WIPF2: variants seen among roughly 807,000 people sequenced by gnomAD.
WIPF2 encodes WAS/WASL interacting protein family member 2.
In WIPF2, 23 loss-of-function variants were observed where a neutral mutation model predicts 38.8. That is an observed-to-expected ratio of 0.59 (90% confidence interval 0.43 to 0.84). The LOEUF is 0.84. WIPF2 is among the 40% of genes least tolerant of loss of function. WIPF2 has a pLI of 0.00. For missense variants in WIPF2, 574 were observed against 580.5 expected (o/e 0.99, Z 0.11); for synonymous variants, 210 against 223.2 (o/e 0.94, Z 0.53).
intron 1 of WIPF2, among the ~76,000 whole-genome samples, chr17:40,228,938 CT>C (rs372065186): frequency 5.6e-4 from 81 of 143,902 alleles, no homozygotes; most frequent in East Asian, 8.1e-4. Flanking sequence ...CGGTGGAAGA[CT>C]TTTTTTTTTT....
intron 4 of WIPF2, 136 bp from the exon 5 acceptor site, chr17:40,264,350 AAAAG>A (rs1361876932): frequency 2.5e-4 from 166 of 672,338 alleles, no homozygotes; most frequent in Non-Finnish European, 3.1e-4. Flanking sequence ...AAAAAAAAAA[AAAAG>A]AAAAACAAAA....
In WIPF2 at chr17:40,264,582, G is replaced by A. The variant is rs1415651688; in HGVS notation, c.406G>A (p.Asp136Asn). The A allele has an allele frequency of 6.2e-7, 1 of 1,614,140 alleles. No individual in the cohort carries two copies. The highest frequency in any genetic ancestry group is 8.5e-7 in the Non-Finnish European group (1 of 1,180,030). ...PVSAASGRPQ[D>N]DTDSSRASLP... is the part of the protein sequence containing the mutation. ...ATCTGCCGCCAGCGGGCGTCCTCAG[G>A]ATGATACAGACAGCAGCCGGGCCTC... Residue 136 changes from aspartate to asparagine, a missense_variant, in exon 5 of 8, where the codon GAT becomes AAT. By Grantham distance (23) the Asp-to-Asn change is conservative (BLOSUM62 1). Coordinates refer to ENST00000323571, the MANE Select transcript of WIPF2 (RefSeq NM_133264.5).
At chr17:40,262,187 C>A (rs1041817724) in intron 3 of WIPF2, among the ~76,000 whole-genome samples, 1 of 148,084 alleles carries the variant, frequency 6.8e-6, no homozygotes, top group Non-Finnish European at 1.5e-5. Context: ...CTCAATCGAG[C>A]CTCCCATCTC....
intron 1 of WIPF2, among the ~76,000 whole-genome samples, chr17:40,242,994 A>G (rs975007044): frequency 3.9e-5 from 6 of 152,092 alleles, no homozygotes; most frequent in African/African-American, 9.7e-5. Context: ...TGCATTAGTT[A>G]TTCCTAGTCT....
chr17:40,225,119 C>A (rs1598463098), intron 1 of WIPF2, among the ~76,000 whole-genome samples: 1 of 152,012 alleles, frequency 6.6e-6, no homozygotes, highest in Non-Finnish European at 1.5e-5. Context: ...AATGTTCTTG[C>A]GGTCCTTTAT....
At chr17:40,256,659 A>T in intron 2 of WIPF2, 137 bp downstream of exon 2, 1 of 1,253,076 alleles carries the variant, frequency 8.0e-7, no homozygotes, top group Non-Finnish European at 1.1e-6. Context: ...CTATTCTTTA[A>T]TTCTGTTTTT....
chr17:40,248,278 C>T (rs2031440744), intron 1 of WIPF2, among the ~76,000 whole-genome samples: 1 of 146,268 alleles, frequency 6.8e-6, no homozygotes, highest in South Asian at 2.2e-4. Flanking sequence ...GATTCTCGCA[C>T]TTCAGCCTCC....
At chr17:40,245,385 C>G (rs1258784589) in intron 1 of WIPF2, among the ~76,000 whole-genome samples, 3 of 151,738 alleles carry the variant, frequency 2.0e-5, no homozygotes, top group Admixed American at 2.0e-4. Flanking sequence ...TTCTGTCGCC[C>G]AGGCTGGAGC....
intron 1 of WIPF2, among the ~76,000 whole-genome samples, chr17:40,226,166 T>C (rs1402912060): frequency 6.7e-6 from 1 of 149,568 alleles, no homozygotes; most frequent in African/African-American, 2.5e-5. Context: ...ATTCTCCATA[T>C]GTATTCAGAT....
chr17:40,235,591 GA>G lies in WIPF2; in HGVS notation c.-70+16100del, dbSNP rs2030934728. Among the ~76,000 whole-genome samples the G allele has an allele frequency of 1.0e-4, 4 of 38,790 alleles. No individual in the cohort carries two copies. The South Asian group carries it at 3.3e-3, about 32-fold the overall frequency. 25.4% of individuals were successfully genotyped at this position (38,790 alleles called of 152,430 possible). A position where few individuals can be genotyped will look rare whatever the true frequency, so the allele number is the denominator to read the frequency against. On this transcript the variant is annotated intron_variant, in intron 1 of 7. Coordinates refer to ENST00000323571, the MANE Select transcript of WIPF2 (RefSeq NM_133264.5). ...AGACTTTTTTTTTTTTTTTTTTTTT[GA>G]GACGGAGTTTCGCTCTTGTTGCCCA...
chr17:40,239,437 G>C (rs1441584963), intron 1 of WIPF2, among the ~76,000 whole-genome samples: 3 of 151,964 alleles, frequency 2.0e-5, no homozygotes, highest in Non-Finnish European at 4.4e-5. Context: ...CCTACTATAG[G>C]GTATTGGGAT....
In WIPF2 at chr17:40,273,817, G is replaced by A. The variant is rs2032310263; in HGVS notation, c.998G>A (p.Arg333Gln). Residue 333 changes from arginine (R) to glutamine (Q), a missense_variant, in exon 6 of 8, where the codon CGA becomes CAA. Transcript: ENST00000323571. The stretch of plus-strand genomic sequence containing the variant: ...CCTCCACCCCCACCACCTGTGATCC[G>A]AAATGGTGCCAGGGATGCTCCCCCT... ...AAPPPPPPVI[R>Q]NGARDAPPPP... 4 of 1,606,358 alleles carry A rather than the reference G, an allele frequency of 2.5e-6. No individual in the cohort carries two copies. Among genetic ancestry groups the A allele is most frequent in the Middle Eastern group, 1.9e-4 (1 of 5,374 alleles).
At position 40,278,279 on chromosome 17, in the gene WIPF2, G is replaced by C. The variant is rs1265434309; in HGVS notation, c.*54G>C. 9 of 1,599,176 alleles carry C rather than the reference G, an allele frequency of 5.6e-6. No homozygotes were observed. The Admixed American group carries it at 1.5e-4, about 27-fold the overall frequency. On this transcript the variant is annotated 3_prime_UTR_variant, in exon 8 of 8. Coordinates refer to ENST00000323571, the MANE Select transcript of WIPF2 (RefSeq NM_133264.5). The stretch of plus-strand genomic sequence containing the variant: ...AAGGATGGACCTTCTCTTCTTCTCA[G>C]ATGGTCCCTTCCATTCCCCTGAAAC...
rs764899324 is a variant in WIPF2 at position 40,279,128 on chromosome 17, G to T, written c.*903G>T. 2 of 152,244 alleles carry T rather than the reference G, an allele frequency of 1.3e-5. No individual in the cohort carries two copies. The highest frequency in any genetic ancestry group is 4.8e-5 in the African/African-American group (2 of 41,444). 9.4% of individuals were successfully genotyped at this position (152,244 alleles called of 1,614,324 possible). A position where few individuals can be genotyped will look rare whatever the true frequency, so the allele number is the denominator to read the frequency against. On this transcript the variant is annotated 3_prime_UTR_variant, in exon 8 of 8. Transcript: ENST00000323571. The stretch of plus-strand genomic sequence containing the variant: ...CCTCTGGTGGGAGATAGGAAGATAG[G>T]GCGTGGGCCTGGGCCTTAACCTCAA...
chr17:40,241,605 T>C (rs986019739), intron 1 of WIPF2, among the ~76,000 whole-genome samples: 4 of 152,290 alleles, frequency 2.6e-5, no homozygotes, highest in Non-Finnish European at 4.4e-5. Context: ...AAATACTAGT[T>C]ATGAACATTG....
chr17:40,259,543 A>T (rs1480829224), intron 2 of WIPF2, among the ~76,000 whole-genome samples: 1 of 151,986 alleles, frequency 6.6e-6, no homozygotes, highest in Non-Finnish European at 1.5e-5. Flanking sequence ...TTTATTAATG[A>T]TGTGACGTTA....
Position 40,264,809 on chromosome 17 carries a change from G to A in WIPF2, c.633G>A (p.Pro211=), listed in dbSNP as rs534941527. ...ACAACAGAGAGAAACCCTTGCCACC[G>A]ACGCCTGGACAAAGGCTTCACCCTG... The part of the protein sequence containing the change: ...PAYNREKPLP[P]TPGQRLHPGR... Residue 211 remains proline, a synonymous_variant, in exon 5 of 8, where the codon CCG becomes CCA. Transcript: ENST00000323571. 3 of 1,603,020 alleles carry A rather than the reference G, an allele frequency of 1.9e-6. No homozygotes were observed. Among genetic ancestry groups the A allele is most frequent in the Non-Finnish European group, 2.5e-6 (3 of 1,177,338 alleles).
chr17:40,261,812 G>A (rs1257067864), intron 3 of WIPF2, among the ~76,000 whole-genome samples: 5 of 149,658 alleles, frequency 3.3e-5, no homozygotes, highest in Admixed American at 2.0e-4. Context: ...TCAGCCTCCC[G>A]AGTAGCTGGG....
chr17:40,233,355 A>G (rs1034314740), intron 1 of WIPF2, among the ~76,000 whole-genome samples: 8 of 152,130 alleles, frequency 5.3e-5, no homozygotes, highest in Non-Finnish European at 1.2e-4. Context: ...AAAGAATCAG[A>G]CAGTACTACA....
Sources: gnomAD v4.1 joint callset for allele counts (sites outside exome capture counted in the v4.1 genomes callset) on GRCh38, gnomAD v4.1.1 for gene constraint, MANE v1.5 for transcripts, NCBI Gene and HGNC (gene_info 2026-07-23, HGNC 2026-07-21) for gene names.